The following WDR86 variants were observed in gnomAD, a reference collection of about 807,000 sequenced individuals.
WDR86 encodes WD repeat-containing protein 86.
In WDR86, 30 loss-of-function variants were observed where a neutral mutation model predicts 36.5. The observed-to-expected ratio is 0.82, with a 90% CI of 0.61 to 1.11. WDR86 has a LOEUF of 1.11. WDR86 is among the 50% of genes most tolerant of loss of function. The pLI is 0.00. For synonymous variants in WDR86, 255 were observed against 252.9 expected, an observed-to-expected ratio of 1.01 and a Z score of -0.08; for missense variants, 545 against 561.2, an observed-to-expected ratio of 0.97 and a Z score of 0.29.
At chr7:151,393,928 AG>A (rs1799621136) in intron 3 of WDR86, among the ~76,000 whole-genome samples, 1 of 152,140 alleles carries the variant, frequency 6.6e-6, no homozygotes, top group Non-Finnish European at 1.5e-5. Context: ...ACGCCCCTTC[AG>A]CATAAGGATG....
chr7:151,406,102 C>T lies in WDR86; in HGVS notation c.163+3325G>A, dbSNP rs1800683938. Reference sequence around the variant, plus strand: ...TCTTTGCAGAGTAATTGCAATGAAGCCTTTTTCACTGTGAGCTCACCAACC... The same window carrying T: ...TCTTTGCAGAGTAATTGCAATGAAGTCTTTTTCACTGTGAGCTCACCAACC... On this transcript the variant is annotated intron_variant, in intron 1 of 5. Coordinates refer to ENST00000334493, the MANE Select transcript of WDR86 (RefSeq NM_198285.3). The surrounding 1 kb of genome is among the most constrained non-coding windows in gnomAD (Gnocchi z 4.4). 6.6e-6 allele frequency among the ~76,000 whole-genome samples: 1 copy of T among 152,210 alleles called. No homozygotes were observed.
intron 1 of WDR86, among the ~76,000 whole-genome samples, chr7:151,400,953 A>C (rs937664254): frequency 6.6e-6 from 1 of 152,184 alleles, no homozygotes; most frequent in South Asian, 2.1e-4. Flanking sequence ...TGCTCATTAC[A>C]ATAGTAAAAA....
chr7:151,404,790 G>A (rs917157801), intron 1 of WDR86, among the ~76,000 whole-genome samples: 2 of 152,330 alleles, frequency 1.3e-5, no homozygotes, highest in African/African-American at 2.4e-5. Context: ...CTGGGGACTC[G>A]CTGGAAGTTT....
chr7:151,380,758 G>A (rs1032221366), downstream of WDR86, among the ~76,000 whole-genome samples: 2 of 151,964 alleles, frequency 1.3e-5, no homozygotes, highest in Non-Finnish European at 2.9e-5. Flanking sequence ...TCCTGTGCAC[G>A]AGCCCGGGGT....
chr7:151,382,115 A>G (rs967204963), intron 4 of WDR86, 134 bp from the exon 5 acceptor site: 11 of 719,650 alleles, frequency 1.5e-5, no homozygotes, highest in Non-Finnish European at 2.3e-5. Flanking sequence ...TCATATGGGA[A>G]GTGGACAGTG....
At position 151,375,918 on chromosome 7, in the gene WDR86, G is replaced by A. The variant is rs1798199834; in HGVS notation, n.1372C>T. On this transcript the variant is annotated non_coding_transcript_exon_variant, in exon 2 of 2. Coordinates refer to the WDR86 transcript ENST00000463000. The stretch of plus-strand genomic sequence containing the variant: ...CCTGAAACCGACAACCGTCAAGAAA[G>A]TCCTTCCCAGGAAAACATTGACCGA... 6.2e-7 allele frequency: 1 copy of A among 1,612,632 alleles called. No individual in the cohort carries two copies. The highest frequency in any genetic ancestry group is 8.5e-7 in the Non-Finnish European group (1 of 1,178,670).
At position 151,409,911 on chromosome 7, in the gene WDR86, G is replaced by A. The variant is rs1801088708; in HGVS notation, c.-322C>T. On this transcript the variant is annotated 5_prime_UTR_variant, in exon 1 of 6. Coordinates refer to ENST00000334493, the MANE Select transcript of WDR86 (RefSeq NM_198285.3). The surrounding 1 kb of genome is among the most constrained non-coding windows in gnomAD (Gnocchi z 5.2). ...GATCCACACCCCACCGGGCGAACAA[G>A]GCAGCTGCGTCTCTGGTGCACAAGG... 1 of 1,102,766 alleles carries A rather than the reference G, an allele frequency of 9.1e-7. No homozygotes were observed. The highest frequency in any genetic ancestry group is 1.1e-6 in the Non-Finnish European group (1 of 905,890). 68.3% of individuals were successfully genotyped at this position (1,102,766 alleles called of 1,614,324 possible).
At position 151,385,218 on chromosome 7, in the gene WDR86, C is replaced by T. The variant is rs371623115; in HGVS notation, c.732G>A (p.Val244=). The T allele has an allele frequency of 8.7e-6, 14 of 1,611,602 alleles. No homozygotes were observed. Among genetic ancestry groups the T allele is most frequent in the Non-Finnish European group, 1.2e-5 (14 of 1,179,886 alleles). The change falls in exon 4 of 6, where the codon GTG becomes GTA. Residue 244 remains valine (V), a synonymous_variant. Transcript: ENST00000334493. Reference sequence around the variant, plus strand: ...CGCTGCCAGAGTACACGAGTCGGTTCACCAGCTGCGAGGAGGAGCAGGGAA... The same window carrying T: ...CGCTGCCAGAGTACACGAGTCGGTTTACCAGCTGCGAGGAGGAGCAGGGAA... ...HRGSVICLEL[V]NRLVYSGSAD...
intron 3 of WDR86, among the ~76,000 whole-genome samples, chr7:151,394,125 G>T (rs368973695): frequency 2.0e-5 from 3 of 152,132 alleles, no homozygotes; most frequent in African/African-American, 7.2e-5. Flanking sequence ...CCTTCCCCAC[G>T]ACGAGCTGCT....
At chr7:151,382,121 C>T in intron 4 of WDR86, 140 bp from the exon 5 acceptor site, 2 of 698,858 alleles carry the variant, frequency 2.9e-6, no homozygotes, top group Non-Finnish European at 4.8e-6. Flanking sequence ...GGGAAGTGGA[C>T]AGTGCCCCTC....
At chr7:151,389,113 CTTTCCTTTTTTTTTTTTTTTT>C (rs1799206051) in intron 3 of WDR86, among the ~76,000 whole-genome samples, 1 of 128,522 alleles carries the variant, frequency 7.8e-6, no homozygotes. Context: ...TTTTTCTTTT[CTTTCCTTTTTTTTTTTTTTTT>C]TGTTTGAGAT....
intron 3 of WDR86, among the ~76,000 whole-genome samples, chr7:151,386,393 G>A (rs1798982768): frequency 6.6e-6 from 1 of 152,200 alleles, no homozygotes; most frequent in African/African-American, 2.4e-5. Flanking sequence ...GAACCACGAG[G>A]AGCACAATGT....
rs78652204 is a variant in WDR86 at position 151,390,661 on chromosome 7, C to T, written c.726+5115G>A. Among the ~76,000 whole-genome samples, 1,934 of 152,284 alleles carry T rather than the reference C, an allele frequency of 0.013. 18 individuals are homozygous for T. The highest frequency in any genetic ancestry group is 0.019 in the Non-Finnish European group (1,283 of 68,024). On this transcript the variant is annotated intron_variant, in intron 3 of 5. Transcript: ENST00000334493. This position sits in a 1 kb window ranked among gnomAD's most constrained non-coding sequence, Gnocchi z 4.5. ...AACCCGTGTGTCTATCAACAGGTGA[C>T]GGATAAGCGCAATGTGGTATCCACA... is the stretch of plus-strand genomic sequence containing the variant.
downstream of WDR86, chr7:151,376,755 C>T (rs540048699): frequency 1.6e-5 from 25 of 1,596,732 alleles, no homozygotes; most frequent in Middle Eastern, 1.7e-4. Flanking sequence ...CCCGAGCTGC[C>T]GCTGTCGCCA....
At chr7:151,372,924 C>T (rs1172150396), downstream of WDR86, among the ~76,000 whole-genome samples, 5 of 152,274 alleles carry the variant, frequency 3.3e-5, no homozygotes, top group African/African-American at 1.2e-4. Context: ...GGAGGTTCTC[C>T]TGTGATAGAG....
In WDR86 at chr7:151,390,422, C is replaced by T. The variant is rs184598751; in HGVS notation, c.727-5199G>A. ...CTCCGGAAGTTGCACAGCGTCCTGA[C>T]GCTGTGGGCAGAGGGGATGGTACGG... On this transcript the variant is annotated intron_variant, in intron 3 of 5. Transcript: ENST00000334493. The surrounding 1 kb of genome is among the most constrained non-coding windows in gnomAD (Gnocchi z 4.5). Among the ~76,000 whole-genome samples the T allele has an allele frequency of 1.3e-5, 2 of 152,324 alleles. No individual in the cohort carries two copies. The highest frequency in any genetic ancestry group is 1.9e-4 in the East Asian group (1 of 5,178).
intron 3 of WDR86, among the ~76,000 whole-genome samples, chr7:151,395,202 G>A (rs776881965): frequency 2.6e-5 from 4 of 152,172 alleles, no homozygotes; most frequent in Admixed American, 1.3e-4. Flanking sequence ...GGAGGCTGCC[G>A]GCGTTCACCC....
chr7:151,383,890 C>T (rs964392911), intron 4 of WDR86, among the ~76,000 whole-genome samples: 10 of 152,340 alleles, frequency 6.6e-5, no homozygotes, highest in African/African-American at 2.2e-4. Flanking sequence ...CTCCATGCCC[C>T]GGCTGCACGG....
rs192168016 is a variant in WDR86, at chr7:151,385,084, T to C, written c.862+4A>G. On this transcript the variant is annotated splice_donor_region_variant and intron_variant, in intron 4 of 5. Coordinates refer to ENST00000334493, the MANE Select transcript of WDR86 (RefSeq NM_198285.3). ...CACAGGTCGTGCAGGGCCAAGTCAC[T>C]TACAGGTGCCCGCGTGGTACTTGAG... The C allele has an allele frequency of 6.0e-4, 949 of 1,594,842 alleles. 7 individuals are homozygous for C. The Admixed American group carries it at 0.013, about 22-fold the overall frequency.
Sources: gnomAD v4.1 joint callset for allele counts (sites outside exome capture counted in the v4.1 genomes callset) on GRCh38, gnomAD v4.1.1 for gene constraint, Gnocchi (gnomAD v3.1) non-coding constraint, MANE v1.5 for transcripts, NCBI Gene and HGNC (gene_info 2026-07-23, HGNC 2026-07-21) for gene names.